Variants in RPS6KA4 observed in about 807,000 individuals in gnomAD.
The protein encoded by RPS6KA4 is ribosomal protein S6 kinase A4.
Under a neutral mutation model 89.6 loss-of-function variants are expected in RPS6KA4, and 38 were observed. The ratio of observed to expected loss-of-function variants is 0.42; its 90% CI spans 0.33 to 0.56. The LOEUF (loss-of-function observed/expected upper bound fraction) is 0.56, where lower values mean the gene tolerates loss of function less well. Ranked by LOEUF, RPS6KA4 falls within the 20% of genes least tolerant of loss-of-function variation. The pLI, the probability that RPS6KA4 is intolerant of heterozygous loss-of-function variation, is 0.07. For synonymous variants in RPS6KA4, 495 were observed against 492.8 expected, an observed-to-expected ratio of 1.00 and a Z score of -0.06; for missense variants, 873 against 1,098.8, an observed-to-expected ratio of 0.79 and a Z score of 2.90.
chr11:64,370,359 C>T lies in RPS6KA4; in HGVS notation c.1932C>T (p.Ser644=), dbSNP rs561810616. 3.1e-6 allele frequency: 5 copies of T among 1,608,652 alleles called. No homozygotes were observed. The highest frequency in any genetic ancestry group is 1.7e-5 in the Admixed American group (1 of 57,846). The part of the protein sequence containing the change: ...SLDGEAWQGV[S]EEAKELVRGL... ...ACGGGGAGGCCTGGCAGGGTGTATC[C>T]GAGGAAGCCAAGGAGCTGGTCCGAG... Residue 644 remains serine (S), a synonymous_variant, in exon 15 of 17, where the codon TCC becomes TCT. Coordinates refer to ENST00000334205, the MANE Select transcript of RPS6KA4 (RefSeq NM_003942.3). This position sits in a 1 kb window ranked among gnomAD's most constrained non-coding sequence, Gnocchi z 4.1.
Position 64,370,858 on chromosome 11 carries a change from C to T in RPS6KA4, c.2121+132C>T, listed in dbSNP as rs1290880435. 49 of 1,193,084 alleles carry T rather than the reference C, an allele frequency of 4.1e-5. No individual in the cohort carries two copies. Among genetic ancestry groups the T allele is most frequent in the Admixed American group, 8.9e-5 (3 of 33,742 alleles). 73.9% of individuals were successfully genotyped at this position (1,193,084 alleles called of 1,614,324 possible). Reference sequence around the variant, plus strand: ...CGGTGGCTCACGCCTGTAATCCCAGCGCTTTGGGAGGCCGAGGCGGGCGGA... The same window carrying T: ...CGGTGGCTCACGCCTGTAATCCCAGTGCTTTGGGAGGCCGAGGCGGGCGGA... On this transcript the variant is annotated intron_variant, in intron 16 of 16. Transcript: ENST00000334205. This position sits in a 1 kb window ranked among gnomAD's most constrained non-coding sequence, Gnocchi z 4.1.
intron 4 of RPS6KA4, 91 bp downstream of exon 4, chr11:64,360,683 C>T: frequency 9.2e-7 from 1 of 1,090,292 alleles, no homozygotes; most frequent in Non-Finnish European, 1.3e-6. Context: ...CAGGCTTCCC[C>T]CTGGGCTTCC....
In RPS6KA4 at chr11:64,361,969, G is replaced by C. The variant is rs1320046690; in HGVS notation, c.873G>C (p.Gly291=). The C allele has an allele frequency of 1.9e-6, 3 of 1,611,004 alleles. No individual in the cohort carries two copies. The Admixed American group carries it at 5.1e-5, about 27-fold the overall frequency. The change falls in exon 8 of 17, where the codon GGG becomes GGC. Residue 291 remains glycine (G), a synonymous_variant. Coordinates refer to ENST00000334205, the MANE Select transcript of RPS6KA4 (RefSeq NM_003942.3). The surrounding 1 kb of genome is among the most constrained non-coding windows in gnomAD (Gnocchi z 4.7). ...AGCGATTGGGCGCGGGGCCCCAGGGGGCACAAGAAGTCCGGAACCATCCCT... is the reference window on the plus strand; with the variant it reads ...AGCGATTGGGCGCGGGGCCCCAGGGCGCACAAGAAGTCCGGAACCATCCCT... ...PKKRLGAGPQ[G]AQEVRNHPFF...
intron 2 of RPS6KA4, 72 bp downstream of exon 2, chr11:64,359,521 G>T: frequency 2.0e-6 from 3 of 1,532,082 alleles, no homozygotes; most frequent in Non-Finnish European, 2.7e-6. Flanking sequence ...TCACTCTTGG[G>T]CCTGGGCCAG....
Position 64,370,811 on chromosome 11 carries a change from A to G in RPS6KA4, c.2121+85A>G, listed in dbSNP as rs2037045685. 7.0e-7 allele frequency: 1 copy of G among 1,426,056 alleles called. No homozygotes were observed. Among genetic ancestry groups the G allele is most frequent in the Admixed American group, 2.7e-5 (1 of 36,618 alleles). 88.3% of individuals were successfully genotyped at this position (1,426,056 alleles called of 1,614,324 possible). On this transcript the variant is annotated intron_variant, in intron 16 of 16. Coordinates refer to ENST00000334205, the MANE Select transcript of RPS6KA4 (RefSeq NM_003942.3). The surrounding 1 kb of genome is among the most constrained non-coding windows in gnomAD (Gnocchi z 4.1). ...GGGAGGCCCGGCCATCGGAGCACAG[A>G]AAGGCGAGGTGAGGCCGGGCGCGGT... is the stretch of plus-strand genomic sequence containing the variant.
rs1003600611 is a variant in RPS6KA4, at chr11:64,370,274, G to T, written c.1847G>T (p.Gly616Val). ...CCCTTCCAGGGGGCCTCTGGCCAGG[G>T]CGGGCAGAGCCAGGCGGCCGAGATC... is the stretch of plus-strand genomic sequence containing the variant. ...QVPFQGASGQ[G>V]GQSQAAEIMC... The change falls in exon 15 of 17, where the codon GGC becomes GTC. Residue 616 changes from glycine to valine, a missense_variant. Physicochemically the swap from Gly to Val is moderately radical, Grantham distance 109 (BLOSUM62 -3). Around this residue, in one of 4 missense-constraint regions of RPS6KA4, gnomAD observed 278 missense variants for 284.8 expected, o/e 0.98. Coordinates refer to ENST00000334205, the MANE Select transcript of RPS6KA4 (RefSeq NM_003942.3). This position sits in a 1 kb window ranked among gnomAD's most constrained non-coding sequence, Gnocchi z 4.1. 1 of 1,587,068 alleles carries T rather than the reference G, an allele frequency of 6.3e-7. No individual in the cohort carries two copies. Among genetic ancestry groups the T allele is most frequent in the Non-Finnish European group, 8.5e-7 (1 of 1,172,408 alleles).
intron 1 of RPS6KA4, 31 bp from the exon 2 acceptor site, chr11:64,359,347 G>A: frequency 1.2e-6 from 2 of 1,611,120 alleles, no homozygotes; most frequent in Non-Finnish European, 1.7e-6. Flanking sequence ...GTCATGGACC[G>A]GCTGGGCTCA....
intron 9 of RPS6KA4, among the ~76,000 whole-genome samples, chr11:64,366,892 G>T (rs905003625): frequency 3.9e-5 from 6 of 152,186 alleles, no homozygotes; most frequent in Non-Finnish European, 8.8e-5. Flanking sequence ...GACAGACCAA[G>T]TATGGCTGGA....
rs1358883814 is a variant in RPS6KA4 at position 64,368,490 on chromosome 11, A to C, written c.1223A>C (p.Tyr408Ser). 6.4e-7 allele frequency: 1 copy of C among 1,556,506 alleles called. No individual in the cohort carries two copies. Among genetic ancestry groups the C allele is most frequent in the Non-Finnish European group, 8.7e-7 (1 of 1,151,038 alleles). Reference protein sequence around the residue: ...MMQDSPFFQQYELDLREPALG... With the variant: ...MMQDSPFFQQSELDLREPALG... The stretch of plus-strand genomic sequence containing the variant: ...CAGGACTCGCCCTTCTTCCAGCAGT[A>C]CGAGCTGGACCTGCGGGAGCCTGCG... Residue 408 changes from tyrosine to serine, a missense_variant, in exon 11 of 17, where the codon TAC becomes TCC. Tyr to Ser is a moderately radical substitution (Grantham distance 144). Transcript: ENST00000334205.
At chr11:64,369,921 T>A in intron 14 of RPS6KA4, 28 bp downstream of exon 14, 1 of 1,495,838 alleles carries the variant, frequency 6.7e-7, no homozygotes, top group Non-Finnish European at 8.9e-7. Context: ...TGAGGCGGGG[T>A]CAGGGTCGCT....
intron 2 of RPS6KA4, 132 bp downstream of exon 2, chr11:64,359,581 C>A (rs1591308344): frequency 7.7e-6 from 7 of 906,160 alleles, no homozygotes; most frequent in Middle Eastern, 3.4e-4. Flanking sequence ...GCCTTGCCTG[C>A]CCCGCCCTGC....
chr11:64,365,547 T>G, intron 9 of RPS6KA4, 82 bp downstream of exon 9: 1 of 1,476,040 alleles, frequency 6.8e-7, no homozygotes, highest in Non-Finnish European at 9.3e-7. Context: ...CCGAGGACAC[T>G]GCCTAGGCCT....
At position 64,369,529 on chromosome 11, in the gene RPS6KA4, G is replaced by T; in HGVS notation, c.1512G>T (p.Ser504=). ...HIRKKRHFSE[S]EASQILRSLV... ...GCAAGAAGCGGCACTTCAGCGAGTC[G>T]GAAGCAAGCCAGATCCTGCGCAGCC... is the stretch of plus-strand genomic sequence containing the variant. The change falls in exon 13 of 17, where the codon TCG becomes TCT. Residue 504 remains serine, a synonymous_variant. Transcript: ENST00000334205. 3 of 1,609,092 alleles carry T rather than the reference G, an allele frequency of 1.9e-6. No individual in the cohort carries two copies. Among genetic ancestry groups the T allele is most frequent in the Non-Finnish European group, 1.7e-6 (2 of 1,178,476 alleles).
At chr11:64,362,827 C>G (rs2036790811) in intron 8 of RPS6KA4, among the ~76,000 whole-genome samples, 1 of 152,288 alleles carries the variant, frequency 6.6e-6, no homozygotes, top group African/African-American at 2.4e-5. Flanking sequence ...CAGGCCACCA[C>G]GACTGGCTAA....
chr11:64,364,810 G>A (rs1484201336), intron 8 of RPS6KA4, among the ~76,000 whole-genome samples: 2 of 149,184 alleles, frequency 1.3e-5, no homozygotes, highest in African/African-American at 4.9e-5. Flanking sequence ...CGCTATCTTG[G>A]TTCACTGCAA....
At chr11:64,368,403 C>G in intron 10 of RPS6KA4, 65 bp from the exon 11 acceptor site, 21 of 1,540,968 alleles carry the variant, frequency 1.4e-5, no homozygotes, top group Non-Finnish European at 1.7e-5. Context: ...GTGGCGGGGC[C>G]GCGGGGCTAC....
rs2037004728 is a variant in RPS6KA4, at chr11:64,369,733, C to T, written c.1637C>T (p.Pro546Leu). 2 of 1,611,010 alleles carry T rather than the reference C, an allele frequency of 1.2e-6. No individual in the cohort carries two copies. The highest frequency in any genetic ancestry group is 1.3e-5 in the African/African-American group (1 of 74,894). The change falls in exon 14 of 17, where the codon CCG becomes CTG. Residue 546 changes from proline to leucine, a missense_variant. This residue lies in a region of RPS6KA4 where 542 missense variants were observed against 736.4 expected (regional missense o/e 0.74). Transcript: ENST00000334205. ...TACGCCGACGACACGCCCGGGGCCC[C>T]GGTGAAAATCATCGACTTCGGGTTC... ...ILYADDTPGAPVKIIDFGFAR... is the reference protein window; with the variant it reads ...ILYADDTPGALVKIIDFGFAR...
chr11:64,371,416 G>C lies in RPS6KA4; in HGVS notation c.2255G>C (p.Gly752Ala). Residue 752 changes from glycine to alanine, a missense_variant, in exon 17 of 17, where the codon GGC becomes GCC. Gly to Ala is a moderately conservative substitution (Grantham distance 60). This residue lies in a region of RPS6KA4 where 278 missense variants were observed against 284.8 expected (regional missense o/e 0.98). Transcript: ENST00000334205. ...GGCTCCCCTGCACCAGCCAACCCGG[G>C]CCGAGCCCCCGTCGCCTCCAAAGGG... ...RRGSPAPANP[G>A]RAPVASKGAP... 2 of 1,608,708 alleles carry C rather than the reference G, an allele frequency of 1.2e-6. No individual in the cohort carries two copies. Among genetic ancestry groups the C allele is most frequent in the South Asian group, 2.2e-5 (2 of 90,848 alleles).
In RPS6KA4 at chr11:64,370,025, G is replaced by C; in HGVS notation, c.1797+132G>C. The C allele has an allele frequency of 3.5e-6, 4 of 1,155,280 alleles. No homozygotes were observed. The highest frequency in any genetic ancestry group is 1.7e-5 in the South Asian group (1 of 59,872). 71.6% of individuals were successfully genotyped at this position (1,155,280 alleles called of 1,614,324 possible). On this transcript the variant is annotated intron_variant, in intron 14 of 16. Coordinates refer to ENST00000334205, the MANE Select transcript of RPS6KA4 (RefSeq NM_003942.3). This position sits in a 1 kb window ranked among gnomAD's most constrained non-coding sequence, Gnocchi z 4.1. ...CTGGGTTTCGTCCGAAGCTGGGATCGGGGTGGTTCAAATACAGAGGTGGGG... is the reference window on the plus strand; with the variant it reads ...CTGGGTTTCGTCCGAAGCTGGGATCCGGGTGGTTCAAATACAGAGGTGGGG...
Sources: gnomAD v4.1 joint callset for allele counts (sites outside exome capture counted in the v4.1 genomes callset) on GRCh38, gnomAD v4.1.1 for gene constraint, gnomAD v4.1.1 regional missense constraint, Gnocchi (gnomAD v3.1) non-coding constraint, MANE v1.5 for transcripts, NCBI Gene and HGNC (gene_info 2026-07-23, HGNC 2026-07-21) for gene names.